DSE: variants seen among roughly 807,000 people sequenced by gnomAD.
DSE encodes dermatan sulfate epimerase, also known as dermatan-sulfate epimerase.
DSE carries 36 observed loss-of-function variants against 84.4 expected under a neutral mutation model. The observed-to-expected ratio is 0.43, with a 90% CI of 0.33 to 0.56. The LOEUF (loss-of-function observed/expected upper bound fraction) is 0.56. Ranked by LOEUF, DSE falls within the 20% of genes least tolerant of loss-of-function variation. DSE has a pLI of 0.06. For missense variants in DSE, 862 were observed against 1,169.6 expected, an observed-to-expected ratio of 0.74 and a Z score of 3.84; for synonymous variants, 410 against 430.1, an observed-to-expected ratio of 0.95 and a Z score of 0.58.
At chr6:116,376,205 A>C (rs1053032953) in intron 1 of DSE, among the ~76,000 whole-genome samples, 1 of 152,024 alleles carries the variant, frequency 6.6e-6, no homozygotes, top group Admixed American at 6.5e-5. Flanking sequence ...ACTTCTCTCT[A>C]TCTCTTCTCA....
At chr6:116,372,992 G>A (rs1049791061) in intron 1 of DSE, among the ~76,000 whole-genome samples, 3 of 151,812 alleles carry the variant, frequency 2.0e-5, no homozygotes, top group Admixed American at 1.3e-4. Context: ...AAAAACACTG[G>A]CCTAAAAAGT....
At chr6:116,357,675 T>C (rs1239240240) in intron 2 of DSE, among the ~76,000 whole-genome samples, 1 of 152,212 alleles carries the variant, frequency 6.6e-6, no homozygotes, top group Non-Finnish European at 1.5e-5. Flanking sequence ...TTGGTAAGCA[T>C]CCAAAATATT....
At chr6:116,397,718 G>C (rs558353796) in intron 1 of DSE, among the ~76,000 whole-genome samples, 17 of 152,334 alleles carry the variant, frequency 1.1e-4, no homozygotes, top group Non-Finnish European at 2.2e-4. Context: ...TACTGGCAGA[G>C]TCCAAGAGTT....
rs769775172 is a variant in DSE at position 116,278,787 on chromosome 6, C to A, written c.-54+19820C>A. On this transcript the variant is annotated intron_variant, in intron 2 of 3. Transcript: ENST00000430252. Reference sequence around the variant, plus strand: ...ATATAATTGGAGTAGAAAGAGACACCACTCGGCCGGAGGATCTTACCTCAT... The same window carrying A: ...ATATAATTGGAGTAGAAAGAGACACAACTCGGCCGGAGGATCTTACCTCAT... 5 of 1,614,118 alleles carry A rather than the reference C, an allele frequency of 3.1e-6. No homozygotes were observed. In the African/African-American group the frequency reaches 6.7e-5, roughly 22 times the overall value.
At chr6:116,261,571 C>T (rs1024321522) in intron 2 of DSE, among the ~76,000 whole-genome samples, 5 of 152,176 alleles carry the variant, frequency 3.3e-5, no homozygotes, top group Non-Finnish European at 5.9e-5. Flanking sequence ...TTGACTTCCT[C>T]TCTTTGGATG....
At chr6:116,368,885 G>C (rs1229574886), upstream of DSE, among the ~76,000 whole-genome samples, 2 of 131,028 alleles carry the variant, frequency 1.5e-5, no homozygotes, top group African/African-American at 5.6e-5. Flanking sequence ...AGATTCCAGA[G>C]AGCAGAATAG....
chr6:116,283,706 G>A (rs1273937608), intron 2 of DSE, among the ~76,000 whole-genome samples: 1 of 152,058 alleles, frequency 6.6e-6, no homozygotes, highest in East Asian at 1.9e-4. Context: ...ACCACACACG[G>A]CTAATTTTTG....
intron 2 of DSE, among the ~76,000 whole-genome samples, chr6:116,301,156 TGAGG>T (rs202239683): frequency 6.1e-5 from 9 of 148,750 alleles, no homozygotes; most frequent in East Asian, 2.0e-4. Flanking sequence ...GACAGAGCAG[TGAGG>T]GAGGGAGGGA....
intron 1 of DSE, among the ~76,000 whole-genome samples, chr6:116,384,425 G>A (rs549567312): frequency 7.9e-5 from 12 of 152,336 alleles, no homozygotes; most frequent in African/African-American, 2.4e-4. Flanking sequence ...ATGGGATGGC[G>A]AAAGTTGGGG....
chr6:116,266,768 T>C (rs191681642), intron 2 of DSE, among the ~76,000 whole-genome samples: 129 of 152,362 alleles, frequency 8.5e-4, no homozygotes, highest in African/African-American at 2.9e-3. Flanking sequence ...TTCTTAGTGT[T>C]AACTAATGGC....
At chr6:116,424,151 C>A (rs1449563840) in intron 2 of DSE, among the ~76,000 whole-genome samples, 2 of 152,130 alleles carry the variant, frequency 1.3e-5, no homozygotes, top group Non-Finnish European at 2.9e-5. Context: ...GGTACAATGA[C>A]ACAAGTTGGG....
intron 1 of DSE, among the ~76,000 whole-genome samples, chr6:116,373,632 T>C (rs1241252016): frequency 6.6e-6 from 1 of 152,212 alleles, no homozygotes; most frequent in African/African-American, 2.4e-5. Context: ...TGAGATTTTA[T>C]GGGCTGTCCG....
At chr6:116,311,327 G>A (rs1032004930) in intron 2 of DSE, among the ~76,000 whole-genome samples, 1 of 152,146 alleles carries the variant, frequency 6.6e-6, no homozygotes, top group Non-Finnish European at 1.5e-5. Flanking sequence ...AGGGCAGGAA[G>A]ATGAACCACC....
rs567151430 is a variant in DSE at position 116,383,530 on chromosome 6, A to G, written c.-54+12409A>G. ...TAGATAAGGATATAGACTCCGCATTAAACATTCATGAACTTGTGCATGCAC... is the reference window on the plus strand; with the variant it reads ...TAGATAAGGATATAGACTCCGCATTGAACATTCATGAACTTGTGCATGCAC... On this transcript the variant is annotated intron_variant, in intron 1 of 5. Transcript: ENST00000644252. 5.9e-5 allele frequency among the ~76,000 whole-genome samples: 9 copies of G among 152,364 alleles called. No individual in the cohort carries two copies. The East Asian group carries it at 1.7e-3, about 29-fold the overall frequency.
At chr6:116,342,568 C>T (rs148200537) in intron 2 of DSE, among the ~76,000 whole-genome samples, 3,268 of 152,270 alleles carry the variant, frequency 0.021, 113 homozygotes, top group African/African-American at 0.073. Flanking sequence ...CATGAGCCAC[C>T]GCACCTGGCC....
chr6:116,430,251 G>A (rs1417767132), intron 3 of DSE, among the ~76,000 whole-genome samples: 1 of 152,168 alleles, frequency 6.6e-6, no homozygotes, highest in Non-Finnish European at 1.5e-5. Flanking sequence ...AGGATAAGAG[G>A]TTACCTTCTA....
At position 116,435,683 on chromosome 6, in the gene DSE, A is replaced by G; in HGVS notation, c.1215A>G (p.Ala405=). The change falls in exon 6 of 6, where the codon GCA becomes GCG. Residue 405 remains alanine (A), a synonymous_variant. Transcript: ENST00000644252. ...GGGGTGTCGTGACTTATGGAAGTGCACTACCTGCAGAAATCAATAGATCTT... is the reference window on the plus strand; with the variant it reads ...GGGGTGTCGTGACTTATGGAAGTGCGCTACCTGCAGAAATCAATAGATCTT... The part of the protein sequence containing the change: ...EDWGVVTYGS[A]LPAEINRSFL... 4 of 1,614,138 alleles carry G rather than the reference A, an allele frequency of 2.5e-6. No individual in the cohort carries two copies. Among genetic ancestry groups the G allele is most frequent in the East Asian group, 2.2e-5 (1 of 44,884 alleles).
In DSE at chr6:116,354,201, A is replaced by G. The variant is rs142446962; in HGVS notation, c.-53-44997A>G. Reference sequence around the variant, plus strand: ...TGTTAAGTAAATGTTGACCCAGACTATATAACTCTAATGAGCAAAATCCCT... The same window carrying G: ...TGTTAAGTAAATGTTGACCCAGACTGTATAACTCTAATGAGCAAAATCCCT... On this transcript the variant is annotated intron_variant, in intron 2 of 3. Coordinates refer to the DSE transcript ENST00000430252. Among the ~76,000 whole-genome samples, 803 of 152,326 alleles carry G rather than the reference A, an allele frequency of 5.3e-3. 8 individuals are homozygous for G. Among genetic ancestry groups the G allele is most frequent in the African/African-American group, 0.018 (768 of 41,584 alleles).
chr6:116,441,203 C>T lies in DSE; in HGVS notation c.*3858C>T, dbSNP rs1434251699. 2.6e-5 allele frequency: 4 copies of T among 152,022 alleles called. No individual in the cohort carries two copies. The highest frequency in any genetic ancestry group is 5.9e-5 in the Non-Finnish European group (4 of 67,984). The allele number at this position is 152,022 out of a possible 1,614,324, so 9.4% of individuals were successfully genotyped here. A position where few individuals can be genotyped will look rare whatever the true frequency, so the allele number is the denominator to read the frequency against. ...ATTTGGTCATCTATTTTAATATGTTCAAATTCTGTTAAACAAGACATAGTC... is the reference window on the plus strand; with the variant it reads ...ATTTGGTCATCTATTTTAATATGTTTAAATTCTGTTAAACAAGACATAGTC... On this transcript the variant is annotated 3_prime_UTR_variant, in exon 6 of 6. Coordinates refer to ENST00000644252, the MANE Select transcript of DSE (RefSeq NM_013352.4).
Sources: allele counts gnomAD v4.1 joint callset (sites outside exome capture counted in the v4.1 genomes callset), GRCh38; gene constraint gnomAD v4.1.1; transcripts MANE v1.5; gene names NCBI Gene and HGNC (gene_info 2026-07-23, HGNC 2026-07-21).